The following LRRC49 variants were observed in gnomAD, a reference collection of about 807,000 sequenced individuals.
LRRC49 encodes the protein leucine rich repeat containing 49.
Under a neutral mutation model 83.3 loss-of-function variants are expected in LRRC49, and 50 were observed. The observed-to-expected ratio is 0.60, with a 90% CI of 0.48 to 0.76. The LOEUF (loss-of-function observed/expected upper bound fraction) is 0.76, where lower values mean the gene tolerates loss of function less well. Among genes scored for constraint, LRRC49 ranks in the 30% least tolerant of loss-of-function variants. The probability of loss-of-function intolerance (pLI) is 0.00; values close to 1 mark genes in which losing one functional copy is unlikely to be tolerated. For missense variants in LRRC49, 704 were observed against 809.1 expected (o/e 0.87, Z 1.58); for synonymous variants, 286 against 283.3 (o/e 1.01, Z -0.10).
intron 10 of LRRC49, among the ~76,000 whole-genome samples, chr15:70,983,713 G>A (rs559402105): frequency 5.3e-5 from 8 of 152,046 alleles, no homozygotes; most frequent in Admixed American, 1.3e-4. Context: ...TTTTCTTACT[G>A]TGTTAGAGGC....
At chr15:70,934,562 G>T (rs536483061) in intron 7 of LRRC49, among the ~76,000 whole-genome samples, 2 of 152,178 alleles carry the variant, frequency 1.3e-5, no homozygotes, top group Non-Finnish European at 2.9e-5. Context: ...GTAAAATTTT[G>T]TCTCATAAAC....
chr15:70,962,763 A>G (rs964493343), intron 8 of LRRC49, among the ~76,000 whole-genome samples: 8 of 152,162 alleles, frequency 5.3e-5, no homozygotes, highest in African/African-American at 1.9e-4. Context: ...AATATCCATG[A>G]GTTCAGACTC....
intron 11 of LRRC49, among the ~76,000 whole-genome samples, chr15:70,997,257 G>A (rs1315645603): frequency 6.6e-6 from 1 of 152,034 alleles, no homozygotes; most frequent in Non-Finnish European, 1.5e-5. Flanking sequence ...CTTCCTTATG[G>A]ATTAACCAAT....
At chr15:70,940,452 G>A (rs1200304625) in intron 8 of LRRC49, among the ~76,000 whole-genome samples, 2 of 144,990 alleles carry the variant, frequency 1.4e-5, no homozygotes, top group African/African-American at 5.7e-5. Context: ...TAGCAGAGAC[G>A]GTGTTTCACT....
intron 8 of LRRC49, among the ~76,000 whole-genome samples, chr15:70,958,209 G>A (rs775499677): frequency 2.0e-5 from 3 of 152,056 alleles, no homozygotes; most frequent in East Asian, 1.9e-4. Flanking sequence ...CTCTGTTACC[G>A]CAATCTGCTT....
chr15:70,896,406 A>T (rs2033839784), intron 3 of LRRC49, among the ~76,000 whole-genome samples: 1 of 152,126 alleles, frequency 6.6e-6, no homozygotes, highest in South Asian at 2.1e-4. Context: ...TTAAAAATGC[A>T]CATTCTTAGT....
chr15:70,882,621 T>C, intron 2 of LRRC49: 1 of 1,614,002 alleles, frequency 6.2e-7, no homozygotes, highest in African/African-American at 1.3e-5. Flanking sequence ...CACAGTCTTT[T>C]TCCAAACGCT....
chr15:71,016,947 A>T (rs2038846706), intron 14 of LRRC49, among the ~76,000 whole-genome samples: 1 of 151,950 alleles, frequency 6.6e-6, no homozygotes. Flanking sequence ...CTCTACAAAA[A>T]ATACAAAGAC....
intron 1 of LRRC49, among the ~76,000 whole-genome samples, chr15:70,856,418 TACCC>T (rs911312675): frequency 2.0e-5 from 3 of 152,038 alleles, no homozygotes; most frequent in African/African-American, 7.2e-5. Flanking sequence ...TCTGGCAGAG[TACCC>T]AAGAATGGGT....
At chr15:71,038,288 T>C (rs973993194) in intron 15 of LRRC49, among the ~76,000 whole-genome samples, 12 of 152,176 alleles carry the variant, frequency 7.9e-5, no homozygotes, top group African/African-American at 2.9e-4. Context: ...GTGTGTATAC[T>C]GTAGATGTGA....
In LRRC49 at chr15:71,053,376, A is replaced by G. The variant is rs909641891; in HGVS notation, c.*3764A>G. On this transcript the variant is annotated 3_prime_UTR_variant, in exon 16 of 16. Transcript: ENST00000260382. The stretch of plus-strand genomic sequence containing the variant: ...CAACTGAGATGAGAGCAATCTGTGA[A>G]TGGAACATCTGCTGGGAGGAAGGAT... 6.6e-6 allele frequency: 1 copy of G among 152,218 alleles called. No homozygotes were observed. The highest frequency in any genetic ancestry group is 1.5e-5 in the Non-Finnish European group (1 of 68,048). 9.4% of individuals were successfully genotyped at this position (152,218 alleles called of 1,614,324 possible).
At chr15:70,964,792 A>G (rs1290722962) in intron 9 of LRRC49, among the ~76,000 whole-genome samples, 1 of 152,072 alleles carries the variant, frequency 6.6e-6, no homozygotes, top group Admixed American at 6.6e-5. Context: ...CTAAGCCTCT[A>G]CCTATTTTCT....
intron 2 of LRRC49, among the ~76,000 whole-genome samples, chr15:70,873,453 C>G (rs960726938): frequency 8.5e-5 from 13 of 152,142 alleles, no homozygotes; most frequent in African/African-American, 3.1e-4. Flanking sequence ...CAAACAACCC[C>G]ACAATTTAAT....
At chr15:70,864,811 C>T (rs539254825) in intron 1 of LRRC49, among the ~76,000 whole-genome samples, 2 of 152,082 alleles carry the variant, frequency 1.3e-5, no homozygotes, top group Non-Finnish European at 2.9e-5. Context: ...AGTTTGGGTT[C>T]TTCTCATAAC....
intron 1 of LRRC49, chr15:70,860,164 C>T: frequency 1.5e-6 from 1 of 677,490 alleles, no homozygotes; most frequent in Non-Finnish European, 2.7e-6. Context: ...CCTAAGTGAA[C>T]AGACGCGGCA....
intron 12 of LRRC49, 42 bp downstream of exon 12, chr15:71,008,658 C>A: frequency 7.0e-7 from 1 of 1,420,478 alleles, no homozygotes; most frequent in Non-Finnish European, 9.9e-7. Context: ...TATTCTTAGT[C>A]AATGACTTGT....
intron 14 of LRRC49, among the ~76,000 whole-genome samples, chr15:71,024,640 G>A (rs1002322728): frequency 2.6e-5 from 4 of 151,684 alleles, no homozygotes; most frequent in Non-Finnish European, 4.4e-5. Context: ...ATTAACTCAC[G>A]AAGATGAGAA....
chr15:70,857,725 C>T (rs186505644), intron 1 of LRRC49, among the ~76,000 whole-genome samples: 1 of 152,222 alleles, frequency 6.6e-6, no homozygotes. Flanking sequence ...AACAGAAATC[C>T]ATATAGGGAG....
intron 9 of LRRC49, among the ~76,000 whole-genome samples, chr15:70,972,708 T>C (rs764599928): frequency 2.0e-5 from 3 of 152,126 alleles, no homozygotes; most frequent in Non-Finnish European, 4.4e-5. Context: ...TCTCTAATCT[T>C]GTCTTCACGC....
Sources: allele counts gnomAD v4.1 joint callset (sites outside exome capture counted in the v4.1 genomes callset), GRCh38; gene constraint gnomAD v4.1.1; transcripts MANE v1.5; gene names NCBI Gene and HGNC (gene_info 2026-07-23, HGNC 2026-07-21).